CSMD1: variants seen among roughly 807,000 people sequenced by gnomAD.
CSMD1 encodes CUB and Sushi multiple domains 1, also known as CUB and sushi domain-containing protein 1.
A neutral mutation model predicts 417.5 loss-of-function variants in CSMD1; 213 were observed. The observed-to-expected ratio is 0.51, with a 90% CI of 0.46 to 0.57. CSMD1 has a LOEUF of 0.57. Ranked by LOEUF, CSMD1 falls within the 20% of genes least tolerant of loss-of-function variation. The pLI is 0.00. For synonymous variants in CSMD1, 2,862 were observed against 1,736.8 expected (o/e 1.65, Z -16.11); for missense variants, 6,923 against 4,529.7 (o/e 1.53, Z -15.17).
intron 4 of CSMD1, among the ~76,000 whole-genome samples, chr8:4,025,738 T>A (rs1797026913): frequency 6.6e-6 from 1 of 152,190 alleles, no homozygotes; most frequent in Non-Finnish European, 1.5e-5. Context: ...TGAGGTCTCA[T>A]TTTTAATGTC....
intron 2 of CSMD1, among the ~76,000 whole-genome samples, chr8:4,506,987 GT>G (rs1802559163): frequency 6.6e-6 from 1 of 152,068 alleles, no homozygotes. Flanking sequence ...AATTGAATCG[GT>G]GAAGGAATTC....
chr8:4,991,641 C>T (rs1470890403), intron 1 of CSMD1, among the ~76,000 whole-genome samples: 3 of 152,200 alleles, frequency 2.0e-5, no homozygotes, highest in African/African-American at 4.8e-5. Flanking sequence ...CAAGCGCCTC[C>T]GGTGGGCCCT....
In CSMD1 at chr8:4,261,056, G is replaced by C. The variant is rs149635014; in HGVS notation, c.415+158897C>G. 5.6e-3 allele frequency among the ~76,000 whole-genome samples: 846 copies of C among 152,214 alleles called. 6 individuals are homozygous for C. The highest frequency in any genetic ancestry group is 0.019 in the African/African-American group (809 of 41,528). On this transcript the variant is annotated intron_variant, in intron 3 of 69. Transcript: ENST00000635120. ...TTACTATGCTTTAACGGTGAATTTA[G>C]GATTCCGGATACCTTGTTTTGTGCT...
intron 2 of CSMD1, among the ~76,000 whole-genome samples, chr8:4,569,696 T>C (rs1456850018): frequency 6.6e-6 from 1 of 152,208 alleles, no homozygotes; most frequent in Non-Finnish European, 1.5e-5. Flanking sequence ...GGTAGCTTGA[T>C]GGGAATAGCA....
At chr8:4,092,340 G>C (rs145161520) in intron 3 of CSMD1, among the ~76,000 whole-genome samples, 5 of 152,146 alleles carry the variant, frequency 3.3e-5, no homozygotes, top group Non-Finnish European at 5.9e-5. Flanking sequence ...GATGCTCCAG[G>C]AGAATCATGA....
chr8:4,092,838 T>A (rs1800791286), intron 3 of CSMD1, among the ~76,000 whole-genome samples: 2 of 152,188 alleles, frequency 1.3e-5, no homozygotes, highest in African/African-American at 4.8e-5. Flanking sequence ...ATCAAAGCAC[T>A]TTGCTGGTTG....
chr8:3,490,292 G>A (rs947641788), intron 11 of CSMD1, among the ~76,000 whole-genome samples: 10 of 152,148 alleles, frequency 6.6e-5, no homozygotes, highest in Admixed American at 5.9e-4. Flanking sequence ...AAGCTATTGA[G>A]AGAAGGCGCT....
At chr8:4,134,986 G>A (rs958830278) in intron 3 of CSMD1, among the ~76,000 whole-genome samples, 1 of 152,056 alleles carries the variant, frequency 6.6e-6, no homozygotes, top group Non-Finnish European at 1.5e-5. Context: ...CTTAGTGTCT[G>A]GGTTCTCTTC....
intron 3 of CSMD1, among the ~76,000 whole-genome samples, chr8:4,125,910 G>T (rs1416688349): frequency 2.0e-5 from 3 of 152,188 alleles, no homozygotes; most frequent in Admixed American, 1.3e-4. Context: ...GCAGCCTCTG[G>T]CTCCAAGAGT....
At chr8:4,675,321 T>G (rs1045178939) in intron 1 of CSMD1, among the ~76,000 whole-genome samples, 1 of 152,160 alleles carries the variant, frequency 6.6e-6, no homozygotes, top group African/African-American at 2.4e-5. Context: ...ACATCAAAAG[T>G]TATTTGTAAA....
At chr8:4,452,825 A>G (rs1799230125) in intron 2 of CSMD1, among the ~76,000 whole-genome samples, 1 of 152,172 alleles carries the variant, frequency 6.6e-6, no homozygotes, top group Non-Finnish European at 1.5e-5. Flanking sequence ...CCTCAATATC[A>G]GGTGAAAAAA....
intron 3 of CSMD1, among the ~76,000 whole-genome samples, chr8:4,288,787 C>G (rs533276681): frequency 6.6e-6 from 1 of 152,186 alleles, no homozygotes; most frequent in African/African-American, 2.4e-5. Flanking sequence ...GTCAGGTCTA[C>G]GTAGCAGCCA....
intron 1 of CSMD1, among the ~76,000 whole-genome samples, chr8:4,775,039 T>C (rs767177534): frequency 8.6e-5 from 13 of 151,978 alleles, no homozygotes; most frequent in African/African-American, 1.5e-4. Context: ...ATATGAACAA[T>C]AGGAAATCAA....
chr8:4,233,472 G>C (rs546103140), intron 3 of CSMD1, among the ~76,000 whole-genome samples: 177 of 152,298 alleles, frequency 1.2e-3, no homozygotes, highest in African/African-American at 3.6e-3. Flanking sequence ...GAAATGCTTT[G>C]ATTAGGAAGA....
At chr8:3,644,966 G>GAA (rs71203456) in intron 7 of CSMD1, among the ~76,000 whole-genome samples, 13,192 of 63,206 alleles carry the variant, frequency 0.21, 1,336 homozygotes, top group Non-Finnish European at 0.25. Context: ...GGCTTTAAAT[G>GAA]AAAAAAAAAA....
chr8:2,998,300 C>T (rs1807093406), intron 53 of CSMD1, 116 bp from the exon 54 acceptor site: 2 of 996,964 alleles, frequency 2.0e-6, no homozygotes, highest in East Asian at 5.1e-5. Context: ...AGGTTTTCCA[C>T]TAACCAGGCA....
chr8:3,045,023 C>A (rs190569966), intron 50 of CSMD1, among the ~76,000 whole-genome samples: 1 of 152,058 alleles, frequency 6.6e-6, no homozygotes, highest in East Asian at 1.9e-4. Flanking sequence ...AAAACAATCC[C>A]CCGAATAAAA....
intron 1 of CSMD1, among the ~76,000 whole-genome samples, chr8:4,798,228 G>C (rs984349299): frequency 2.6e-5 from 4 of 151,948 alleles, no homozygotes; most frequent in Non-Finnish European, 4.4e-5. Flanking sequence ...TGTTCTCATT[G>C]TTCAGTTCCC....
chr8:4,835,908 G>A (rs1248645706), intron 1 of CSMD1, among the ~76,000 whole-genome samples: 1 of 151,962 alleles, frequency 6.6e-6, no homozygotes, highest in Non-Finnish European at 1.5e-5. Flanking sequence ...TTTTGGAAAT[G>A]TAAGTACAGA....
Sources: allele counts gnomAD v4.1 joint callset (sites outside exome capture counted in the v4.1 genomes callset), GRCh38; gene constraint gnomAD v4.1.1; transcripts MANE v1.5; gene names NCBI Gene and HGNC (gene_info 2026-07-23, HGNC 2026-07-21).